The following DGKK variants were observed in gnomAD, a reference collection of about 807,000 sequenced individuals.
DGKK encodes diacylglycerol kinase kappa.
DGKK carries 35 observed loss-of-function variants against 92.2 expected under a neutral mutation model. The observed-to-expected ratio is 0.38, with a 90% CI of 0.29 to 0.50. The LOEUF is 0.50. DGKK is among the 20% of genes least tolerant of loss of function. The pLI, the probability that DGKK is intolerant of heterozygous loss-of-function variation, is 0.92. For synonymous variants in DGKK, 368 were observed against 360.6 expected, an observed-to-expected ratio of 1.02 and a Z score of -0.23; for missense variants, 910 against 992.2, an observed-to-expected ratio of 0.92 and a Z score of 1.11.
intron 20 of DGKK, among the ~76,000 whole-genome samples, chrX:50,379,064 C>A (rs1352500974): frequency 8.9e-6 from 1 of 111,996 alleles, no homozygotes; most frequent in African/African-American, 3.2e-5. Context: ...CACCTGTAAT[C>A]CCAGCACTTT....
intron 8 of DGKK, among the ~76,000 whole-genome samples, chrX:50,394,470 G>C (rs1924788558): frequency 8.9e-6 from 1 of 111,863 alleles, no homozygotes; most frequent in African/African-American, 3.3e-5. Flanking sequence ...CAGCTACAAG[G>C]GGAGTCTTGT....
At chrX:50,439,928 G>A (rs148131938) in intron 1 of DGKK, among the ~76,000 whole-genome samples, 1 of 111,520 alleles carries the variant, frequency 9.0e-6, no homozygotes, top group African/African-American at 3.2e-5. Context: ...CTTAAGGTGT[G>A]TTGAAAGAAA....
chrX:50,438,596 T>C (rs1602296198), intron 1 of DGKK, among the ~76,000 whole-genome samples: 1 of 111,756 alleles, frequency 8.9e-6, no homozygotes, highest in East Asian at 2.8e-4. Flanking sequence ...ACGAGACACC[T>C]GAATAATACC....
rs1409638648 is a variant in DGKK, at chrX:50,420,493, T to C, written c.852A>G (p.Gln284=). The C allele has an allele frequency of 1.7e-6, 2 of 1,208,568 alleles. No individual in the cohort carries two copies. The highest frequency in any genetic ancestry group is 2.2e-5 in the Admixed American group (1 of 45,631). ...LCHSFCVITP[Q]RKITLAAPNR... ...TGGGTGCAGCCAGAGTGATTTTTCG[T>C]TGTGGTGTAATAACCTAAACAAAAA... Residue 284 remains glutamine, a synonymous_variant, in exon 4 of 28, where the codon CAA becomes CAG. Transcript: ENST00000611977.
rs1298726639 is a variant in DGKK at position 50,365,698 on chromosome X, A to G, written c.*3242T>C. Reference sequence around the variant, plus strand: ...TGCAATTCCACAAATCATATAGCCAAGCAAGGTCTCATATAGGATGGAATG... The same window carrying G: ...TGCAATTCCACAAATCATATAGCCAGGCAAGGTCTCATATAGGATGGAATG... On this transcript the variant is annotated 3_prime_UTR_variant, in exon 28 of 28. Transcript: ENST00000611977. 2.7e-5 allele frequency: 3 copies of G among 111,715 alleles called. No individual in the cohort carries two copies. Among genetic ancestry groups the G allele is most frequent in the Non-Finnish European group, 5.6e-5 (3 of 53,180 alleles). The allele number at this position is 111,715 out of a possible 1,213,427, so 9.2% of individuals were successfully genotyped here. A position where few individuals can be genotyped will look rare whatever the true frequency, so the allele number is the denominator to read the frequency against.
intron 25 of DGKK, among the ~76,000 whole-genome samples, chrX:50,373,564 T>C (rs1224854217): frequency 8.9e-6 from 1 of 112,448 alleles, no homozygotes; most frequent in Non-Finnish European, 1.9e-5. Flanking sequence ...AAAGTACTTC[T>C]GTTGATGTTG....
At chrX:50,370,718 C>A (rs1450590714) in intron 26 of DGKK, among the ~76,000 whole-genome samples, 169 bp from the exon 27 acceptor site, 1 of 111,953 alleles carries the variant, frequency 8.9e-6, no homozygotes, top group African/African-American at 3.2e-5. Flanking sequence ...CCTAGGAAAG[C>A]AATTGATCCT....
In DGKK at chrX:50,404,107, G is replaced by C; in HGVS notation, c.1020C>G (p.His340Gln). The part of the protein sequence containing the change: ...WYSSYSHRTQ[H>Q]CNVCRESIPA... Reference sequence around the variant, plus strand: ...GAATGCTCTCTCGACAAACATTGCAGTGCTGGGTCCGGTGGCTGTAACTGG... The same window carrying C: ...GAATGCTCTCTCGACAAACATTGCACTGCTGGGTCCGGTGGCTGTAACTGG... The change falls in exon 5 of 28, where the codon CAC (histidine) becomes CAG (glutamine). Residue 340 changes from histidine to glutamine, a missense_variant. Transcript: ENST00000611977. 8.3e-7 allele frequency: 1 copy of C among 1,211,192 alleles called. No homozygotes were observed. The highest frequency in any genetic ancestry group is 1.8e-5 in the South Asian group (1 of 56,801).
At chrX:50,414,293 C>T (rs1369020998) in intron 4 of DGKK, among the ~76,000 whole-genome samples, 1 of 110,651 alleles carries the variant, frequency 9.0e-6, no homozygotes, top group Non-Finnish European at 1.9e-5. Flanking sequence ...TAACTATAGT[C>T]AATAACAATG....
intron 26 of DGKK, among the ~76,000 whole-genome samples, chrX:50,371,389 G>A (rs1924121930): frequency 1.8e-5 from 2 of 112,160 alleles, no homozygotes; most frequent in South Asian, 7.6e-4. Context: ...CAGGTGCTGA[G>A]CAGGGAGGGG....
At chrX:50,466,023 T>TC (rs1342213007) in intron 1 of DGKK, among the ~76,000 whole-genome samples, 4 of 87,765 alleles carry the variant, frequency 4.6e-5, no homozygotes, top group Admixed American at 2.6e-4. Flanking sequence ...TTTTCTTTTT[T>TC]TTTTTTTTTT....
intron 8 of DGKK, among the ~76,000 whole-genome samples, chrX:50,400,247 A>G (rs1376261136): frequency 9.0e-6 from 1 of 111,458 alleles, no homozygotes; most frequent in Non-Finnish European, 1.9e-5. Flanking sequence ...AAACACAAAA[A>G]CTATACAAAA....
rs1320583415 is a variant in DGKK at position 50,412,496 on chromosome X, T to A, written c.942+7907A>T. Among the ~76,000 whole-genome samples, 4 of 111,921 alleles carry A rather than the reference T, an allele frequency of 3.6e-5. No individual in the cohort carries two copies. The East Asian group carries it at 1.1e-3, about 31-fold the overall frequency. On this transcript the variant is annotated intron_variant, in intron 4 of 27. Coordinates refer to ENST00000611977, the MANE Select transcript of DGKK (RefSeq NM_001013742.4). ...CATTTTTCACACAAATGGAAAAAAA[T>A]CCTTAAATTTGTGTGGAACCACAAA...
intron 22 of DGKK, 101 bp from the exon 23 acceptor site, chrX:50,377,019 G>A: frequency 1.2e-6 from 1 of 815,412 alleles, no homozygotes; most frequent in Non-Finnish European, 1.7e-6. Flanking sequence ...ATGGGTATGT[G>A]GGTACAGTGG....
At chrX:50,391,665 A>G in intron 10 of DGKK, 89 bp from the exon 11 acceptor site, 2 of 1,014,896 alleles carry the variant, frequency 2.0e-6, no homozygotes, top group Non-Finnish European at 2.7e-6. Context: ...CTTTGGGAAG[A>G]ATTATGGTCT....
intron 4 of DGKK, among the ~76,000 whole-genome samples, chrX:50,411,104 G>A (rs1394349935): frequency 9.0e-6 from 1 of 110,968 alleles, no homozygotes; most frequent in Admixed American, 9.5e-5. Flanking sequence ...AGACAACCTG[G>A]GTGCTCTGAT....
At chrX:50,408,812 T>C (rs782489875) in intron 4 of DGKK, among the ~76,000 whole-genome samples, 5 of 112,323 alleles carry the variant, frequency 4.5e-5, no homozygotes, top group African/African-American at 9.7e-5. Flanking sequence ...GGATGGACCA[T>C]ACACAGAGTC....
chrX:50,459,522 A>T (rs1489076895), intron 1 of DGKK, among the ~76,000 whole-genome samples: 2 of 110,853 alleles, frequency 1.8e-5, no homozygotes, highest in Non-Finnish European at 3.8e-5. Context: ...AGTGCGAAGG[A>T]ATATAATAAG....
At chrX:50,466,308 A>G (rs1386892805) in intron 1 of DGKK, among the ~76,000 whole-genome samples, 1 of 111,412 alleles carries the variant, frequency 9.0e-6, no homozygotes, top group East Asian at 2.8e-4. Context: ...TCAACAGGTT[A>G]AACATCTGAA....
Sources: gnomAD v4.1 joint callset for allele counts (sites outside exome capture counted in the v4.1 genomes callset) on GRCh38, gnomAD v4.1.1 for gene constraint, MANE v1.5 for transcripts, NCBI Gene and HGNC (gene_info 2026-07-23, HGNC 2026-07-21) for gene names.